C12orf42: variants seen among roughly 807,000 people sequenced by gnomAD.
C12orf42 encodes uncharacterized protein C12orf42.
A neutral mutation model predicts 21.6 loss-of-function variants in C12orf42; 25 were observed. The ratio of observed to expected loss-of-function variants is 1.16; its 90% CI spans 0.84 to 1.62. The LOEUF (loss-of-function observed/expected upper bound fraction) is 1.62, where lower values mean the gene tolerates loss of function less well. C12orf42 is among the 40% of genes most tolerant of loss of function. The pLI is 0.00. For synonymous variants in C12orf42, 174 were observed against 175.0 expected (o/e 0.99, Z 0.05); for missense variants, 483 against 459.3 (o/e 1.05, Z -0.47).
the C12orf42 span, among the ~76,000 whole-genome samples, chr12:103,223,338 A>T: frequency 1.3e-5 from 2 of 152,140 alleles, no homozygotes; most frequent in Non-Finnish European, 2.9e-5. Context: ...GGATGTTAGA[A>T]GAAACATTTG....
At chr12:103,330,402 C>A (rs912316613) in intron 4 of C12orf42, among the ~76,000 whole-genome samples, 1 of 152,102 alleles carries the variant, frequency 6.6e-6, no homozygotes, top group African/African-American at 2.4e-5. Context: ...TTACTCCCAG[C>A]GGTACATACG....
the C12orf42 span, among the ~76,000 whole-genome samples, chr12:103,177,585 A>G: frequency 3.3e-5 from 5 of 152,302 alleles, no homozygotes; most frequent in Middle Eastern, 3.4e-3. Context: ...AACTGCCACT[A>G]TGGGCCTTCC....
intron 10 of C12orf42, among the ~76,000 whole-genome samples, chr12:103,249,235 A>G (rs1359557440): frequency 6.6e-6 from 1 of 152,084 alleles, no homozygotes; most frequent in Non-Finnish European, 1.5e-5. Flanking sequence ...AGTTTTCTTT[A>G]CTTATGTTTT....
chr12:103,191,178 A>T, the C12orf42 span, among the ~76,000 whole-genome samples: 1 of 152,116 alleles, frequency 6.6e-6, no homozygotes, highest in Non-Finnish European at 1.5e-5. Context: ...GTTTTCTAAA[A>T]ATAAATAAAG....
intron 2 of C12orf42, among the ~76,000 whole-genome samples, chr12:103,432,768 C>A (rs1362491471): frequency 6.6e-6 from 1 of 152,072 alleles, no homozygotes; most frequent in Admixed American, 6.6e-5. Context: ...GAAGTTAGGA[C>A]ACAGATACAC....
the C12orf42 span, among the ~76,000 whole-genome samples, chr12:103,049,100 A>G: frequency 1.3e-5 from 2 of 152,152 alleles, no homozygotes; most frequent in South Asian, 4.1e-4. Flanking sequence ...TCCAAAACAT[A>G]TATCTATGGC....
At chr12:103,469,803 G>A (rs1953447796) in intron 2 of C12orf42, among the ~76,000 whole-genome samples, 1 of 152,222 alleles carries the variant, frequency 6.6e-6, no homozygotes, top group South Asian at 2.1e-4. Context: ...CCACGTGGTA[G>A]GAGAGGCCTT....
chr12:103,124,222 T>C, the C12orf42 span, among the ~76,000 whole-genome samples: 2 of 141,968 alleles, frequency 1.4e-5, no homozygotes, highest in Admixed American at 1.5e-4. Flanking sequence ...CTCCCAGATG[T>C]AACATTTTGT....
At chr12:103,173,062 G>A in the C12orf42 span, among the ~76,000 whole-genome samples, 16 of 152,130 alleles carry the variant, frequency 1.1e-4, no homozygotes, top group African/African-American at 3.9e-4. Context: ...GGCTGTTAGA[G>A]ATAAGCCAGT....
the C12orf42 span, among the ~76,000 whole-genome samples, chr12:103,528,652 A>T: frequency 1.3e-5 from 2 of 152,206 alleles, no homozygotes; most frequent in African/African-American, 2.4e-5. Flanking sequence ...GCCTTCTGCC[A>T]TGAATAGAAG....
the C12orf42 span, among the ~76,000 whole-genome samples, chr12:103,069,698 C>T: frequency 3.9e-4 from 59 of 152,264 alleles, 1 homozygote; most frequent in East Asian, 0.011. Context: ...TTTGATATCT[C>T]CTATAACTAG....
At chr12:103,390,776 A>ATCTTAGT (rs762226636) in intron 3 of C12orf42, among the ~76,000 whole-genome samples, 24 of 152,222 alleles carry the variant, frequency 1.6e-4, no homozygotes, top group Non-Finnish European at 2.9e-4. Flanking sequence ...AAGAGATGAC[A>ATCTTAGT]TCTTAGTTCA....
chr12:103,143,207 T>C, the C12orf42 span, among the ~76,000 whole-genome samples: 10 of 152,344 alleles, frequency 6.6e-5, no homozygotes, highest in African/African-American at 2.4e-4. Context: ...GTGTCCTCTT[T>C]TCTAAGCCAG....
At chr12:103,458,464 G>A (rs545580333) in intron 2 of C12orf42, among the ~76,000 whole-genome samples, 2 of 152,180 alleles carry the variant, frequency 1.3e-5, no homozygotes, top group South Asian at 4.1e-4. Context: ...CTTACCCAGG[G>A]TGTGATGCTG....
chr12:103,119,752 T>C, the C12orf42 span, among the ~76,000 whole-genome samples: 1 of 152,226 alleles, frequency 6.6e-6, no homozygotes, highest in Non-Finnish European at 1.5e-5. Flanking sequence ...TAAATTGGGA[T>C]AGAGTCTTCA....
downstream of C12orf42, among the ~76,000 whole-genome samples, chr12:103,236,003 C>T (rs2033456008): frequency 6.6e-6 from 1 of 152,172 alleles, no homozygotes; most frequent in Non-Finnish European, 1.5e-5. Flanking sequence ...GATAATTTCT[C>T]TGCCACATCT....
At chr12:103,203,958 A>G in the C12orf42 span, among the ~76,000 whole-genome samples, 2 of 152,338 alleles carry the variant, frequency 1.3e-5, no homozygotes, top group African/African-American at 4.8e-5. Flanking sequence ...GCCCAGCCCC[A>G]GGACCAGGTT....
chr12:103,518,946 G>T, the C12orf42 span, among the ~76,000 whole-genome samples: 1 of 152,264 alleles, frequency 6.6e-6, no homozygotes, highest in Non-Finnish European at 1.5e-5. Flanking sequence ...GTGAGGCTTT[G>T]TGTCCCAGCC....
chr12:103,073,392 C>A, the C12orf42 span, among the ~76,000 whole-genome samples: 3 of 152,142 alleles, frequency 2.0e-5, no homozygotes, highest in African/African-American at 4.8e-5. Context: ...CAGCAGTCAA[C>A]AAATGGCAGC....
Sources: allele counts gnomAD v4.1 joint callset (sites outside exome capture counted in the v4.1 genomes callset), GRCh38; gene constraint gnomAD v4.1.1; transcripts MANE v1.5; gene names NCBI Gene and HGNC (gene_info 2026-07-23, HGNC 2026-07-21).